FARP1: variants seen among roughly 807,000 people sequenced by gnomAD.
FARP1 encodes FERM, ARH/RhoGEF and pleckstrin domain protein 1, also known as FERM, ARHGEF and pleckstrin domain-containing protein 1.
Under a neutral mutation model 128.8 loss-of-function variants are expected in FARP1, and 52 were observed. The ratio of observed to expected loss-of-function variants is 0.40; its 90% CI spans 0.32 to 0.51. The LOEUF is 0.51. FARP1 is among the 20% of genes least tolerant of loss of function. The pLI is 0.45. For synonymous variants in FARP1, 580 were observed against 551.8 expected, an observed-to-expected ratio of 1.05 and a Z score of -0.72; for missense variants, 1,333 against 1,367.9, an observed-to-expected ratio of 0.97 and a Z score of 0.40.
chr13:98,270,903 A>C (rs1884358800), intron 2 of FARP1, among the ~76,000 whole-genome samples: 1 of 152,252 alleles, frequency 6.6e-6, no homozygotes. Context: ...CCCCGAGGGC[A>C]GGCCAGGGTA....
In FARP1 at chr13:98,176,089, A is replaced by T. The variant is rs1877994119; in HGVS notation, c.-24+32597A>T. 3 of 1,300,996 alleles carry T rather than the reference A, an allele frequency of 2.3e-6. No individual in the cohort carries two copies. The Admixed American group carries it at 5.5e-5, about 24-fold the overall frequency. The allele number at this position is 1,300,996 out of a possible 1,614,324, so 80.6% of individuals were successfully genotyped here. ...GTTACATACTCAGGCATGGGATTGC[A>T]GGAAGACTGTCATCTCTCTCATCTT... On this transcript the variant is annotated intron_variant, in intron 1 of 26. Transcript: ENST00000319562. This position sits in a 1 kb window ranked among gnomAD's most constrained non-coding sequence, Gnocchi z 6.2.
At chr13:98,442,192 G>T (rs765145277) in intron 24 of FARP1, among the ~76,000 whole-genome samples, 8 of 152,248 alleles carry the variant, frequency 5.3e-5, no homozygotes, top group Middle Eastern at 3.2e-3. Flanking sequence ...GAAAGGGCCA[G>T]TTCCCACACA....
chr13:98,288,457 A>G (rs1414894997), intron 2 of FARP1, among the ~76,000 whole-genome samples: 1 of 152,164 alleles, frequency 6.6e-6, no homozygotes, highest in East Asian at 1.9e-4. Flanking sequence ...GTATGAGCCA[A>G]AGCACTATTA....
At chr13:98,345,634 A>G (rs1888149092) in intron 3 of FARP1, 1 of 151,634 alleles carries the variant, frequency 6.6e-6, no homozygotes, top group Admixed American at 6.6e-5. Flanking sequence ...GTCACATGTC[A>G]CACAAAAGCC....
At chr13:98,424,790 G>T in intron 17 of FARP1, 140 bp downstream of exon 17, 1 of 667,544 alleles carries the variant, frequency 1.5e-6, no homozygotes, top group Non-Finnish European at 2.7e-6. Flanking sequence ...CCAACCCACC[G>T]CCGAGCAGCA....
chr13:98,413,920 A>C (rs1466489398), intron 16 of FARP1, among the ~76,000 whole-genome samples: 1 of 152,198 alleles, frequency 6.6e-6, no homozygotes, highest in Non-Finnish European at 1.5e-5. Flanking sequence ...TAGCAGTCTC[A>C]GTGCATGTGG....
At chr13:98,233,176 TA>T (rs1293468478) in intron 2 of FARP1, among the ~76,000 whole-genome samples, 1 of 152,254 alleles carries the variant, frequency 6.6e-6, no homozygotes, top group Non-Finnish European at 1.5e-5. Context: ...AGGTGTTGTC[TA>T]ATGTTAAGAG....
chr13:98,147,216 T>G (rs1875633526), intron 1 of FARP1, among the ~76,000 whole-genome samples: 1 of 152,222 alleles, frequency 6.6e-6, no homozygotes, highest in Non-Finnish European at 1.5e-5. Flanking sequence ...ATGGATACAT[T>G]ACTAAAATAT....
chr13:98,305,994 G>A (rs1328317344), intron 2 of FARP1, among the ~76,000 whole-genome samples: 1 of 152,098 alleles, frequency 6.6e-6, no homozygotes, highest in Non-Finnish European at 1.5e-5. Context: ...CTGTCTGTGT[G>A]GAGACTGAAC....
intron 3 of FARP1, among the ~76,000 whole-genome samples, chr13:98,360,519 G>A (rs1230093854): frequency 1.3e-4 from 20 of 152,200 alleles, no homozygotes; most frequent in Non-Finnish European, 2.8e-4. Context: ...AGGATGCATC[G>A]AGGTGGCAGC....
intron 3 of FARP1, among the ~76,000 whole-genome samples, chr13:98,349,858 G>A (rs902650250): frequency 6.6e-6 from 1 of 152,098 alleles, no homozygotes; most frequent in African/African-American, 2.4e-5. Context: ...TGAGGGGCAG[G>A]AGGTCATGGA....
In FARP1 at chr13:98,223,045, A is replaced by G. The variant is rs1881520311; in HGVS notation, c.171+9632A>G. Among the ~76,000 whole-genome samples the G allele has an allele frequency of 6.6e-5, 10 of 152,236 alleles. No individual in the cohort carries two copies. The South Asian group carries it at 2.1e-3, about 32-fold the overall frequency. On this transcript the variant is annotated intron_variant, in intron 2 of 26. Transcript: ENST00000319562. ...TCATCTCCACATGGTAGTTACTGAT[A>G]AGGGCCAGGGCCCTGCAGAAGCAAT...
At chr13:98,319,463 AC>A (rs1886893914) in intron 2 of FARP1, among the ~76,000 whole-genome samples, 2 of 152,194 alleles carry the variant, frequency 1.3e-5, no homozygotes, top group African/African-American at 4.8e-5. Flanking sequence ...TATTAAAAAT[AC>A]AAAAAATTAG....
At chr13:98,228,314 C>T (rs1343715686) in intron 2 of FARP1, among the ~76,000 whole-genome samples, 4 of 152,216 alleles carry the variant, frequency 2.6e-5, no homozygotes, top group East Asian at 3.9e-4. Flanking sequence ...GAGCCAAGAT[C>T]GTGCCATTGC....
intron 3 of FARP1, among the ~76,000 whole-genome samples, chr13:98,352,112 A>G (rs1465373529): frequency 6.6e-6 from 1 of 152,184 alleles, no homozygotes; most frequent in Non-Finnish European, 1.5e-5. Context: ...TAGCAAAATC[A>G]AAAACCCACA....
chr13:98,295,369 T>A (rs1325247979), intron 2 of FARP1, among the ~76,000 whole-genome samples: 1 of 152,128 alleles, frequency 6.6e-6, no homozygotes, highest in Non-Finnish European at 1.5e-5. Flanking sequence ...TCAGTGGATA[T>A]GGGGAGGATG....
Position 98,235,926 on chromosome 13 carries a change from C to A in FARP1, c.171+22513C>A, listed in dbSNP as rs147542167. 6.0e-3 allele frequency among the ~76,000 whole-genome samples: 907 copies of A among 151,190 alleles called. 12 individuals are homozygous for A. Among genetic ancestry groups the A allele is most frequent in the African/African-American group, 0.021 (867 of 41,060 alleles). ...GCAACCTCCGCCTCCTGGGTTAAAG[C>A]AATTCCCCTGCCTCAGCCTCCAGAG... On this transcript the variant is annotated intron_variant, in intron 2 of 26. Coordinates refer to ENST00000319562, the MANE Select transcript of FARP1 (RefSeq NM_005766.4).
intron 8 of FARP1, 54 bp from the exon 9 acceptor site, chr13:98,388,329 C>T (rs1424425914): frequency 5.1e-6 from 7 of 1,386,002 alleles, no homozygotes; most frequent in African/African-American, 4.3e-5. Context: ...CAGACCAACT[C>T]CCAAGTTGCT....
chr13:98,408,911 C>G (rs1813351357), intron 13 of FARP1, among the ~76,000 whole-genome samples: 1 of 152,146 alleles, frequency 6.6e-6, no homozygotes, highest in African/African-American at 2.4e-5. Flanking sequence ...GTAGTGTGTC[C>G]TAAGTACAGC....
Sources: gnomAD v4.1 joint callset for allele counts (sites outside exome capture counted in the v4.1 genomes callset) on GRCh38, gnomAD v4.1.1 for gene constraint, Gnocchi (gnomAD v3.1) non-coding constraint, MANE v1.5 for transcripts, NCBI Gene and HGNC (gene_info 2026-07-23, HGNC 2026-07-21) for gene names.